OGDH: variants seen among roughly 807,000 people sequenced by gnomAD.
OGDH encodes oxoglutarate dehydrogenase.
A neutral mutation model predicts 116.6 loss-of-function variants in OGDH; 38 were observed. The observed-to-expected ratio is 0.33, with a 90% CI of 0.25 to 0.43. The LOEUF (loss-of-function observed/expected upper bound fraction) is 0.43. OGDH is among the 20% of genes least tolerant of loss of function. The pLI is 1.00. For missense variants in OGDH, 825 were observed against 1,357.2 expected, an observed-to-expected ratio of 0.61 and a Z score of 6.16; for synonymous variants, 488 against 533.3, an observed-to-expected ratio of 0.92 and a Z score of 1.17.
intron 1 of OGDH, among the ~76,000 whole-genome samples, chr7:44,623,094 A>G (rs112579919): frequency 1.4e-3 from 208 of 152,238 alleles, no homozygotes; most frequent in African/African-American, 4.3e-3. Context: ...CCCATGGCTT[A>G]TGAAAGGGGG....
intron 10 of OGDH, among the ~76,000 whole-genome samples, chr7:44,688,385 T>G (rs916613325): frequency 1.6e-4 from 24 of 148,956 alleles, no homozygotes; most frequent in African/African-American, 5.7e-4. Context: ...AATAAAGAAA[T>G]AAAATAATGC....
At chr7:44,633,139 G>A (rs1311650262) in intron 2 of OGDH, among the ~76,000 whole-genome samples, 3 of 150,544 alleles carry the variant, frequency 2.0e-5, no homozygotes, top group Non-Finnish European at 3.0e-5. Flanking sequence ...TGTAGTCCCA[G>A]CTACTTGGGA....
chr7:44,661,020 T>G (rs1786915459), intron 4 of OGDH, among the ~76,000 whole-genome samples: 1 of 152,198 alleles, frequency 6.6e-6, no homozygotes, highest in South Asian at 2.1e-4. Flanking sequence ...TCTGTCTAGT[T>G]TTTTAGTCAG....
At chr7:44,616,194 G>A (rs899575040) in intron 1 of OGDH, among the ~76,000 whole-genome samples, 2 of 152,064 alleles carry the variant, frequency 1.3e-5, no homozygotes, top group Non-Finnish European at 2.9e-5. Flanking sequence ...GCTTTAATGA[G>A]ATGTTGAAAA....
At chr7:44,635,651 T>A (rs1785634259) in intron 2 of OGDH, among the ~76,000 whole-genome samples, 1 of 152,066 alleles carries the variant, frequency 6.6e-6, no homozygotes. Context: ...AACACTCTCC[T>A]CATGTTCCTC....
chr7:44,657,748 G>A (rs1010289125), intron 4 of OGDH, among the ~76,000 whole-genome samples: 1 of 152,022 alleles, frequency 6.6e-6, no homozygotes, highest in African/African-American at 2.4e-5. Context: ...TTTTTCTAAA[G>A]GTTTTATAGT....
At chr7:44,628,304 C>CT (rs1785287049) in intron 2 of OGDH, among the ~76,000 whole-genome samples, 1 of 152,092 alleles carries the variant, frequency 6.6e-6, no homozygotes, top group Non-Finnish European at 1.5e-5. Context: ...TTTTCTCAGT[C>CT]CATGTTTAAA....
chr7:44,628,246 T>C (rs1378418802), intron 2 of OGDH, among the ~76,000 whole-genome samples: 1 of 152,240 alleles, frequency 6.6e-6, no homozygotes, highest in Non-Finnish European at 1.5e-5. Flanking sequence ...GTAATTGTTT[T>C]CATAACCACA....
rs142969830 is a variant in OGDH, at chr7:44,621,422, G to A, written c.-27-2895G>A. On this transcript the variant is annotated intron_variant, in intron 1 of 22. Coordinates refer to ENST00000222673, the MANE Select transcript of OGDH (RefSeq NM_002541.4). Reference sequence around the variant, plus strand: ...TATGTAAGAGAGAAAGGTGAAGAATGGGTATTTACCAGAATTAGAAATGTG... The same window carrying A: ...TATGTAAGAGAGAAAGGTGAAGAATAGGTATTTACCAGAATTAGAAATGTG... 2.2e-3 allele frequency among the ~76,000 whole-genome samples: 328 copies of A among 152,286 alleles called. 2 individuals are homozygous for A. The highest frequency in any genetic ancestry group is 7.7e-3 in the African/African-American group (318 of 41,526).
At chr7:44,688,595 TA>T (rs1788235015) in intron 10 of OGDH, among the ~76,000 whole-genome samples, 2 of 151,392 alleles carry the variant, frequency 1.3e-5, no homozygotes, top group Non-Finnish European at 2.9e-5. Context: ...CATGCCCAGC[TA>T]ATTTTTTGTA....
chr7:44,706,397 C>A (rs1789072619), intron 20 of OGDH, among the ~76,000 whole-genome samples: 1 of 151,478 alleles, frequency 6.6e-6, no homozygotes, highest in Non-Finnish European at 1.5e-5. Flanking sequence ...TCTTGGCTCA[C>A]CACAACCTCC....
chr7:44,626,099 T>C (rs1365694519), intron 2 of OGDH, among the ~76,000 whole-genome samples: 2 of 152,166 alleles, frequency 1.3e-5, no homozygotes, highest in African/African-American at 4.8e-5. Flanking sequence ...CTTCCCTGTT[T>C]CCATGGCAAC....
chr7:44,669,928 A>C (rs576276080), intron 5 of OGDH, among the ~76,000 whole-genome samples: 2 of 152,312 alleles, frequency 1.3e-5, no homozygotes, highest in Admixed American at 1.3e-4. Context: ...AATCAGACAG[A>C]TCTTAAGCTA....
At chr7:44,677,905 C>G (rs1489679403) in intron 9 of OGDH, among the ~76,000 whole-genome samples, 1 of 151,458 alleles carries the variant, frequency 6.6e-6, no homozygotes, top group Admixed American at 6.6e-5. Context: ...GAAGTGGAAC[C>G]AATTATTACT....
At position 44,660,942 on chromosome 7, in the gene OGDH, GCA is replaced by G. The variant is rs370545407; in HGVS notation, c.518-5781_518-5780del. Reference sequence around the variant, plus strand: ...GTAAACTACACACACACGCGCGTGTGCACACACACACACATCTGTTAGATCCT... The same window carrying G: ...GTAAACTACACACACACGCGCGTGTGCACACACACACATCTGTTAGATCCT... On this transcript the variant is annotated intron_variant, in intron 4 of 22. Coordinates refer to ENST00000222673, the MANE Select transcript of OGDH (RefSeq NM_002541.4). 2.2e-4 allele frequency among the ~76,000 whole-genome samples: 32 copies of G among 148,596 alleles called. 1 individual carries two copies. Among genetic ancestry groups the G allele is most frequent in the African/African-American group, 1.0e-4 (4 of 38,470 alleles).
intron 4 of OGDH, among the ~76,000 whole-genome samples, chr7:44,652,724 T>C (rs779085127): frequency 4.6e-5 from 7 of 152,112 alleles, no homozygotes; most frequent in Non-Finnish European, 7.3e-5. Flanking sequence ...TACACATTTC[T>C]CTTCACTCAC....
intron 2 of OGDH, among the ~76,000 whole-genome samples, chr7:44,626,195 T>C (rs1045673116): frequency 6.7e-6 from 1 of 150,280 alleles, no homozygotes; most frequent in Non-Finnish European, 1.5e-5. Context: ...TGTAAACAAA[T>C]TGCCCAGAAG....
In OGDH at chr7:44,697,375, G is replaced by A. The variant is rs1788633539; in HGVS notation, c.2057G>A (p.Arg686His). Residue 686 changes from arginine to histidine, a missense_variant, in exon 16 of 23, where the codon CGC becomes CAC. By Grantham distance (29) the Arg-to-His change is conservative. Around this residue, in one of 7 missense-constraint regions of OGDH, gnomAD observed 73 missense variants for 182.3 expected, o/e 0.40. Coordinates refer to ENST00000222673, the MANE Select transcript of OGDH (RefSeq NM_002541.4). This position sits in a 1 kb window ranked among gnomAD's most constrained non-coding sequence, Gnocchi z 6.0. ...QDVERGTFSH[R>H]HHVLHDQNVD... ...CCTCTGTTGTCCTGTCTCAGCCACC[G>A]CCACCATGTGCTCCATGACCAGAAT... The A allele has an allele frequency of 1.2e-6, 2 of 1,614,122 alleles. No individual in the cohort carries two copies. Among genetic ancestry groups the A allele is most frequent in the African/African-American group, 1.3e-5 (1 of 75,024 alleles).
chr7:44,671,010 CAAAAAAAAAAAA>C (rs111818473), intron 5 of OGDH, among the ~76,000 whole-genome samples: 1 of 68,616 alleles, frequency 1.5e-5, no homozygotes, highest in Non-Finnish European at 3.6e-5. Flanking sequence ...GACTCCATCT[CAAAAAAAAAAAA>C]AAAAAAGAAA....
Sources: allele counts gnomAD v4.1 joint callset (sites outside exome capture counted in the v4.1 genomes callset), GRCh38; gene constraint gnomAD v4.1.1; regional missense constraint gnomAD v4.1.1; non-coding constraint Gnocchi (gnomAD v3.1); transcripts MANE v1.5; gene names NCBI Gene and HGNC (gene_info 2026-07-23, HGNC 2026-07-21).